Variants in FRYL observed in about 807,000 individuals in gnomAD.
The protein encoded by FRYL is protein furry homolog-like.
A neutral mutation model predicts 351.2 loss-of-function variants in FRYL; 150 were observed. That is an observed-to-expected ratio of 0.43 (90% CI 0.37 to 0.49). The LOEUF is 0.49. Ranked by LOEUF, FRYL falls within the 20% of genes least tolerant of loss-of-function variation. The probability of loss-of-function intolerance (pLI) is 0.00; values close to 1 mark genes in which losing one functional copy is unlikely to be tolerated. For missense variants in FRYL, 3,036 were observed against 3,619.3 expected (o/e 0.84, Z 4.13); for synonymous variants, 1,153 against 1,257.1 (o/e 0.92, Z 1.75).
chr4:48,613,954 C>CAAAAAAAAAAAAAAAAA, intron 7 of FRYL, among the ~76,000 whole-genome samples: 1 of 115,070 alleles, frequency 8.7e-6, no homozygotes, highest in African/African-American at 3.1e-5. Flanking sequence ...TGACTCCAAC[C>CAAAAAAAAAAAAAAAAA]AAAAAAAAAA....
chr4:48,649,124 T>C (rs572176123), intron 3 of FRYL, among the ~76,000 whole-genome samples: 2 of 152,312 alleles, frequency 1.3e-5, no homozygotes, highest in East Asian at 1.9e-4. Context: ...ACCACAATAC[T>C]AGACCTATAA....
chr4:48,537,491 G>C (rs1729138920), intron 47 of FRYL, among the ~76,000 whole-genome samples: 2 of 152,100 alleles, frequency 1.3e-5, no homozygotes, highest in South Asian at 4.1e-4. Flanking sequence ...ACAAACAGTA[G>C]AACTAGGGAT....
intron 13 of FRYL, among the ~76,000 whole-genome samples, chr4:48,597,474 T>C (rs6856448): frequency 0.51 from 77,667 of 151,766 alleles, 20,332 homozygotes; most frequent in South Asian, 0.62. Context: ...TGAAGGGGGA[T>C]GCTGATTACG....
chr4:48,668,269 G>A (rs1180540180), intron 3 of FRYL, among the ~76,000 whole-genome samples: 4 of 151,432 alleles, frequency 2.6e-5, no homozygotes, highest in East Asian at 3.9e-4. Flanking sequence ...ATTGATCATC[G>A]TTTGCTTAAT....
At chr4:48,628,485 T>C (rs73246031) in intron 4 of FRYL, among the ~76,000 whole-genome samples, 24,028 of 147,020 alleles carry the variant, frequency 0.16, 2,578 homozygotes, top group Middle Eastern at 0.27. Context: ...TTCATATAAG[T>C]AAAAAAAATA....
intron 20 of FRYL, among the ~76,000 whole-genome samples, chr4:48,581,829 T>C (rs1650131945): frequency 6.6e-6 from 1 of 152,216 alleles, no homozygotes; most frequent in South Asian, 2.1e-4. Flanking sequence ...TCTACCATTC[T>C]CTGACTATTT....
At chr4:48,725,185 C>T (rs1769944087) in intron 1 of FRYL, among the ~76,000 whole-genome samples, 1 of 152,190 alleles carries the variant, frequency 6.6e-6, no homozygotes, top group African/African-American at 2.4e-5. Context: ...TCAATCTGCC[C>T]TTACATCGGC....
chr4:48,593,135 G>T (rs1216456330), intron 16 of FRYL, among the ~76,000 whole-genome samples: 5 of 151,614 alleles, frequency 3.3e-5, no homozygotes, highest in Admixed American at 2.6e-4. Context: ...TGGCATGGGG[G>T]AAACAAATTT....
chr4:48,686,463 A>C (rs1765159669), intron 2 of FRYL, among the ~76,000 whole-genome samples: 1 of 152,156 alleles, frequency 6.6e-6, no homozygotes, highest in South Asian at 2.1e-4. Context: ...CATAATCTTG[A>C]TACTTTGCTT....
Position 48,609,832 on chromosome 4 carries a change from TA to T in FRYL, c.412-10del. The T allele has an allele frequency of 6.1e-6, 9 of 1,486,562 alleles. No individual in the cohort carries two copies. The highest frequency in any genetic ancestry group is 1.9e-5 in the Admixed American group (1 of 52,788). The allele number at this position is 1,486,562 out of a possible 1,614,324, so 92.1% of individuals were successfully genotyped here. A position where few individuals can be genotyped will look rare whatever the true frequency, so the allele number is the denominator to read the frequency against. On this transcript the variant is annotated splice_polypyrimidine_tract_variant and intron_variant, in intron 7 of 63. Coordinates refer to ENST00000358350, the MANE Select transcript of FRYL (RefSeq NM_015030.2). ...ACAGGATGAACAGGAATCTAGAATT[TA>T]AAAAAATTATCAAGTAAGAGTTAAA...
chr4:48,531,377 G>A (rs764074564), intron 49 of FRYL, 24 bp from the exon 50 acceptor site: 25 of 1,514,004 alleles, frequency 1.7e-5, no homozygotes, highest in Non-Finnish European at 2.3e-5. Flanking sequence ...TAATTGACAC[G>A]TAAAAGTTAC....
intron 59 of FRYL, 97 bp downstream of exon 59, chr4:48,509,962 A>G: frequency 1.4e-6 from 1 of 736,108 alleles, no homozygotes; most frequent in Non-Finnish European, 2.3e-6. Flanking sequence ...GCAGGTGCTG[A>G]GAGGTCTTCT....
At chr4:48,570,736 G>T in intron 27 of FRYL, 91 bp downstream of exon 27, 1 of 892,510 alleles carries the variant, frequency 1.1e-6, no homozygotes, top group Non-Finnish European at 1.8e-6. Flanking sequence ...TTGCAATGGT[G>T]CTTTTCTGTT....
chr4:48,679,299 T>C (rs1451761328), intron 3 of FRYL, among the ~76,000 whole-genome samples: 29 of 152,148 alleles, frequency 1.9e-4, no homozygotes, highest in Admixed American at 1.6e-3. Flanking sequence ...TTTTAAAATG[T>C]AAAAGCTCCT....
intron 3 of FRYL, among the ~76,000 whole-genome samples, chr4:48,668,079 T>C (rs904343070): frequency 1.3e-5 from 2 of 152,134 alleles, no homozygotes; most frequent in Non-Finnish European, 2.9e-5. Context: ...CCAACAGCTG[T>C]TTTTTTAAAT....
intron 1 of FRYL, among the ~76,000 whole-genome samples, chr4:48,738,697 G>A (rs1771709334): frequency 6.7e-6 from 1 of 149,894 alleles, no homozygotes; most frequent in South Asian, 2.1e-4. Flanking sequence ...TAGAGACAGG[G>A]TCTCGCTATG....
chr4:48,524,086 A>C (rs1323802948), intron 53 of FRYL, among the ~76,000 whole-genome samples: 1 of 151,948 alleles, frequency 6.6e-6, no homozygotes, highest in Admixed American at 6.6e-5. Context: ...TTAGGCCCTG[A>C]TATGACAAAC....
At chr4:48,669,023 C>T (rs1374346828) in intron 3 of FRYL, among the ~76,000 whole-genome samples, 1 of 152,136 alleles carries the variant, frequency 6.6e-6, no homozygotes, top group African/African-American at 2.4e-5. Context: ...CTTTTTAAAA[C>T]CGTATCTTTA....
intron 2 of FRYL, among the ~76,000 whole-genome samples, chr4:48,709,973 A>C (rs1464361477): frequency 6.6e-6 from 1 of 152,126 alleles, no homozygotes; most frequent in South Asian, 2.1e-4. Context: ...TTTCTGCTCA[A>C]TTTTACTCTT....
Sources: gnomAD v4.1 joint callset for allele counts (sites outside exome capture counted in the v4.1 genomes callset) on GRCh38, gnomAD v4.1.1 for gene constraint, MANE v1.5 for transcripts, NCBI Gene and HGNC (gene_info 2026-07-23, HGNC 2026-07-21) for gene names.